PAM: variants seen among roughly 807,000 people sequenced by gnomAD.
PAM encodes peptidyl-glycine alpha-amidating monooxygenase.
PAM carries 72 observed loss-of-function variants against 122.1 expected under a neutral mutation model. The observed-to-expected ratio is 0.59, with a 90% CI of 0.49 to 0.72. PAM has a LOEUF of 0.72. Among genes scored for constraint, PAM ranks in the 30% least tolerant of loss-of-function variants. PAM has a pLI of 0.00. For missense variants in PAM, 1,106 were observed against 1,183.7 expected, an observed-to-expected ratio of 0.93 and a Z score of 0.96; for synonymous variants, 389 against 404.4, an observed-to-expected ratio of 0.96 and a Z score of 0.46.
intron 1 of PAM, among the ~76,000 whole-genome samples, chr5:102,786,979 C>G (rs1312366941): frequency 1.3e-5 from 2 of 152,054 alleles, no homozygotes; most frequent in Non-Finnish European, 2.9e-5. Context: ...AAGAAGGTAA[C>G]ACCTCTGGAA....
chr5:102,976,651 G>A (rs987495649), intron 15 of PAM, among the ~76,000 whole-genome samples: 3 of 152,146 alleles, frequency 2.0e-5, no homozygotes, highest in Non-Finnish European at 4.4e-5. Context: ...ATAGAAGAAA[G>A]TAACTTTTTA....
chr5:103,008,864 T>C (rs1779810624), intron 20 of PAM, among the ~76,000 whole-genome samples: 1 of 152,012 alleles, frequency 6.6e-6, no homozygotes, highest in African/African-American at 2.4e-5. Flanking sequence ...AGAAGAAAAT[T>C]ATCAGTTGAG....
intron 1 of PAM, among the ~76,000 whole-genome samples, chr5:102,839,747 A>T (rs976099536): frequency 1.3e-5 from 2 of 152,150 alleles, no homozygotes; most frequent in Non-Finnish European, 2.9e-5. Context: ...AAAATCTATT[A>T]AGGTAATTTC....
chr5:102,835,210 G>A (rs1162266391), intron 1 of PAM, among the ~76,000 whole-genome samples: 1 of 152,064 alleles, frequency 6.6e-6, no homozygotes, highest in Non-Finnish European at 1.5e-5. Context: ...CATTGAATGA[G>A]TAACAGCTCT....
chr5:102,870,762 G>T (rs1787162645), intron 3 of PAM, among the ~76,000 whole-genome samples: 1 of 152,112 alleles, frequency 6.6e-6, no homozygotes, highest in Non-Finnish European at 1.5e-5. Flanking sequence ...GCCTATCATA[G>T]AGATAAAGTC....
At chr5:103,027,919 G>A (rs154258) in intron 24 of PAM, among the ~76,000 whole-genome samples, 113,441 of 152,062 alleles carry the variant, frequency 0.75, 42,841 homozygotes, top group African/African-American at 0.86. Flanking sequence ...CCTTTCTTTT[G>A]TCAGAGGAGA....
chr5:102,885,208 T>C (rs1419414448), intron 3 of PAM, among the ~76,000 whole-genome samples: 1 of 151,734 alleles, frequency 6.6e-6, no homozygotes, highest in Non-Finnish European at 1.5e-5. Context: ...GAAAAAAATA[T>C]CACTAGAACA....
At chr5:102,808,197 TC>T (rs1766762379) in intron 1 of PAM, 1 of 152,252 alleles carries the variant, frequency 6.6e-6, no homozygotes, top group Non-Finnish European at 1.5e-5. Flanking sequence ...TTGCTCGCTT[TC>T]CAGTGTGATT....
intron 22 of PAM, among the ~76,000 whole-genome samples, chr5:103,018,474 A>C (rs1782643172): frequency 6.6e-6 from 1 of 152,148 alleles, no homozygotes; most frequent in Non-Finnish European, 1.5e-5. Flanking sequence ...GTGTAAAAAG[A>C]ACCAAGTTAG....
intron 1 of PAM, among the ~76,000 whole-genome samples, chr5:102,846,255 T>C (rs1779916457): frequency 6.6e-6 from 1 of 152,166 alleles, no homozygotes. Flanking sequence ...CAGAATGAGC[T>C]TGTAAAACAC....
chr5:102,816,806 A>G (rs1443200146), intron 1 of PAM, among the ~76,000 whole-genome samples: 1 of 152,094 alleles, frequency 6.6e-6, no homozygotes, highest in Admixed American at 6.6e-5. Context: ...TTCTCTTATT[A>G]AGTCTCATGG....
At chr5:102,908,608 C>A (rs975604440) in intron 4 of PAM, among the ~76,000 whole-genome samples, 5 of 151,374 alleles carry the variant, frequency 3.3e-5, no homozygotes, top group Admixed American at 3.3e-4. Context: ...GGGAGATATA[C>A]CTAATGCTAA....
intron 16 of PAM, among the ~76,000 whole-genome samples, chr5:102,991,434 T>G (rs1774038420): frequency 6.6e-6 from 1 of 152,180 alleles, no homozygotes; most frequent in Non-Finnish European, 1.5e-5. Context: ...CAATTACATC[T>G]AATATATCTT....
chr5:102,779,737 T>G (rs1758107254), intron 1 of PAM, among the ~76,000 whole-genome samples: 1 of 151,768 alleles, frequency 6.6e-6, no homozygotes. Flanking sequence ...TCTCCCATGC[T>G]GGATGCTGGA....
At chr5:103,010,153 A>G (rs1780199148) in intron 21 of PAM, among the ~76,000 whole-genome samples, 2 of 152,146 alleles carry the variant, frequency 1.3e-5, no homozygotes, top group African/African-American at 4.8e-5. Context: ...CAGGTTTTTA[A>G]ATTCACTATA....
chr5:102,960,803 G>T (rs1762253260), intron 13 of PAM, among the ~76,000 whole-genome samples: 1 of 151,660 alleles, frequency 6.6e-6, no homozygotes, highest in Admixed American at 6.6e-5. Context: ...TATATTTATA[G>T]AATATGCCTT....
intron 1 of PAM, among the ~76,000 whole-genome samples, chr5:102,840,669 G>A (rs1238354956): frequency 6.6e-6 from 1 of 152,148 alleles, no homozygotes; most frequent in East Asian, 1.9e-4. Context: ...ACGGGACCTA[G>A]CCTTCTTGCA....
chr5:102,886,719 T>G (rs1384775698), intron 3 of PAM, among the ~76,000 whole-genome samples: 1 of 152,052 alleles, frequency 6.6e-6, no homozygotes, highest in Non-Finnish European at 1.5e-5. Flanking sequence ...AACCAATGAC[T>G]GCATCTTACT....
intron 4 of PAM, among the ~76,000 whole-genome samples, chr5:102,905,677 TAGAGG>T (rs1799321297): frequency 6.6e-6 from 1 of 151,566 alleles, no homozygotes; most frequent in Admixed American, 6.6e-5. Context: ...CAGCAGTAAG[TAGAGG>T]AGAGTATCTG....
Sources: allele counts gnomAD v4.1 joint callset (sites outside exome capture counted in the v4.1 genomes callset), GRCh38; gene constraint gnomAD v4.1.1; transcripts MANE v1.5; gene names NCBI Gene and HGNC (gene_info 2026-07-23, HGNC 2026-07-21).